Variants in NME7 observed in about 807,000 individuals in gnomAD.
NME7 encodes the protein nucleoside diphosphate kinase 7.
In NME7, 41 loss-of-function variants were observed where a neutral mutation model predicts 49.1. The observed-to-expected ratio is 0.83, with a 90% CI of 0.65 to 1.08. The LOEUF (loss-of-function observed/expected upper bound fraction) is 1.08, where lower values mean the gene tolerates loss of function less well. Among genes scored for constraint, NME7 ranks in the 50% least tolerant of loss-of-function variants. NME7 has a pLI of 0.00. For synonymous variants in NME7, 139 were observed against 150.6 expected (o/e 0.92, Z 0.56); for missense variants, 423 against 463.4 (o/e 0.91, Z 0.80).
chr1:169,356,801 G>A (rs1653482893), intron 1 of NME7, among the ~76,000 whole-genome samples: 1 of 152,130 alleles, frequency 6.6e-6, no homozygotes, highest in African/African-American at 2.4e-5. Context: ...ATGCGTTCCA[G>A]TAACTTTAGG....
chr1:169,201,890 T>C (rs1337602187), intron 10 of NME7, among the ~76,000 whole-genome samples: 1 of 152,018 alleles, frequency 6.6e-6, no homozygotes, highest in Admixed American at 6.6e-5. Flanking sequence ...AAGGAAGACA[T>C]GCAGAAAAAT....
At chr1:169,339,355 G>A (rs1423359857) in intron 1 of NME7, among the ~76,000 whole-genome samples, 1 of 152,138 alleles carries the variant, frequency 6.6e-6, no homozygotes, top group Admixed American at 6.5e-5. Context: ...GAGATCACTT[G>A]CCAACAATTA....
intron 11 of NME7, among the ~76,000 whole-genome samples, chr1:169,168,371 G>C (rs138121836): frequency 5.9e-5 from 9 of 152,276 alleles, no homozygotes; most frequent in African/African-American, 2.2e-4. Context: ...GGTTGCTGCA[G>C]ACCCATATGA....
At chr1:169,221,051 C>T (rs988144712) in intron 10 of NME7, among the ~76,000 whole-genome samples, 3 of 152,054 alleles carry the variant, frequency 2.0e-5, no homozygotes, top group Non-Finnish European at 2.9e-5. Flanking sequence ...ATTTCTACTC[C>T]GTAGAACTAA....
chr1:169,159,445 A>C (rs1659178151), intron 11 of NME7, among the ~76,000 whole-genome samples: 1 of 151,948 alleles, frequency 6.6e-6, no homozygotes, highest in Non-Finnish European at 1.5e-5. Flanking sequence ...TTTACTAGTG[A>C]CCAGAAAATT....
At chr1:169,159,854 C>G (rs139892341) in intron 11 of NME7, among the ~76,000 whole-genome samples, 4 of 152,212 alleles carry the variant, frequency 2.6e-5, no homozygotes, top group South Asian at 2.1e-4. Context: ...GCTGTCACAC[C>G]TTTGGTTCAC....
At chr1:169,295,842 A>G (rs1650686182) in intron 6 of NME7, among the ~76,000 whole-genome samples, 1 of 152,132 alleles carries the variant, frequency 6.6e-6, no homozygotes, top group Admixed American at 6.5e-5. Flanking sequence ...CCAATACCTT[A>G]TACCTCATCC....
intron 3 of NME7, among the ~76,000 whole-genome samples, chr1:169,314,074 T>TGAAA (rs10629320): frequency 0.52 from 78,965 of 151,398 alleles, 21,085 homozygotes; most frequent in Non-Finnish European, 0.58. Flanking sequence ...GAGTGCAAAC[T>TGAAA]GAGTTTTCTA....
chr1:169,338,772 C>T (rs1557829215), intron 1 of NME7, among the ~76,000 whole-genome samples: 1 of 152,160 alleles, frequency 6.6e-6, no homozygotes, highest in Non-Finnish European at 1.5e-5. Context: ...TTGATTTTCA[C>T]AGAATTTCAG....
In NME7 at chr1:169,271,691, C is replaced by G. The variant is rs1489648214; in HGVS notation, c.754+15612G>C. ...GGCCTTTTTTTGGGAAGTCAGCAGT[C>G]AACAGAAGGGATAATCCTATTCCAT... is the stretch of plus-strand genomic sequence containing the variant. On this transcript the variant is annotated intron_variant, in intron 7 of 11. Coordinates refer to ENST00000367811, the MANE Select transcript of NME7 (RefSeq NM_013330.5). Among the ~76,000 whole-genome samples the G allele has an allele frequency of 2.3e-5, 3 of 133,148 alleles. 1 individual carries two copies. The highest frequency in any genetic ancestry group is 5.3e-5 in the Non-Finnish European group (3 of 56,838). 87.4% of individuals were successfully genotyped at this position (133,148 alleles called of 152,430 possible).
At chr1:169,145,874 GTATAA>G (rs1277318410) in intron 11 of NME7, among the ~76,000 whole-genome samples, 6 of 152,314 alleles carry the variant, frequency 3.9e-5, no homozygotes, top group African/African-American at 1.4e-4. Flanking sequence ...GCTAAATGTG[GTATAA>G]TATGAGAGTA....
chr1:169,317,869 A>G (rs1025485419), intron 3 of NME7, among the ~76,000 whole-genome samples: 1 of 151,928 alleles, frequency 6.6e-6, no homozygotes. Flanking sequence ...TACTTCTTCC[A>G]TTTGCTTCTC....
intron 11 of NME7, among the ~76,000 whole-genome samples, chr1:169,139,738 TC>T (rs1658534806): frequency 6.6e-6 from 1 of 152,210 alleles, no homozygotes. Context: ...TCTGAATAAC[TC>T]CATCAAGTGC....
chr1:169,359,813 T>C (rs951479803), intron 1 of NME7, among the ~76,000 whole-genome samples: 4 of 152,046 alleles, frequency 2.6e-5, no homozygotes, highest in Admixed American at 2.6e-4. Flanking sequence ...AGTATAGAAA[T>C]ATGAAGAAGG....
chr1:169,241,132 G>A (rs988425630), intron 7 of NME7, among the ~76,000 whole-genome samples: 1 of 152,046 alleles, frequency 6.6e-6, no homozygotes, highest in Non-Finnish European at 1.5e-5. Context: ...GGAGCTTTAT[G>A]TGTACTTCAC....
At position 169,176,277 on chromosome 1, in the gene NME7, A is replaced by G. The variant is rs140039675; in HGVS notation, c.991-6723T>C. On this transcript the variant is annotated intron_variant, in intron 10 of 11. Transcript: ENST00000367811. ...AAGTCTAAGGATCCTTCTAGAACCT[A>G]TGCATAGGCTTTAGAAAGAGTAATT... 1.3e-3 allele frequency among the ~76,000 whole-genome samples: 201 copies of G among 152,322 alleles called. No individual in the cohort carries two copies. In the Middle Eastern group the frequency reaches 0.024, roughly 18 times the overall value.
chr1:169,279,825 T>A (rs1047017411), intron 7 of NME7, among the ~76,000 whole-genome samples: 1 of 152,226 alleles, frequency 6.6e-6, no homozygotes, highest in Admixed American at 6.5e-5. Context: ...TATTCGGCCA[T>A]CTTGGCTCCT....
intron 11 of NME7, among the ~76,000 whole-genome samples, chr1:169,158,605 T>G (rs1032842494): frequency 6.6e-6 from 1 of 152,096 alleles, no homozygotes; most frequent in Admixed American, 6.5e-5. Context: ...TAGGCTTACA[T>G]AGTTAAAAAA....
chr1:169,218,659 A>AT (rs34342694), intron 10 of NME7, among the ~76,000 whole-genome samples: 30,600 of 118,114 alleles, frequency 0.26, 5,921 homozygotes, highest in East Asian at 0.84. Context: ...CCAATTTTGA[A>AT]TTTTTTTTTT....
Sources: gnomAD v4.1 joint callset for allele counts (sites outside exome capture counted in the v4.1 genomes callset) on GRCh38, gnomAD v4.1.1 for gene constraint, MANE v1.5 for transcripts, NCBI Gene and HGNC (gene_info 2026-07-23, HGNC 2026-07-21) for gene names.